OPRM1: variants seen among roughly 807,000 people sequenced by gnomAD.
OPRM1 encodes opioid receptor mu 1, also known as mu-type opioid receptor.
OPRM1 carries 27 observed loss-of-function variants against 31.8 expected under a neutral mutation model. That is an observed-to-expected ratio of 0.85 (90% CI 0.63 to 1.17). The LOEUF (loss-of-function observed/expected upper bound fraction) is 1.17, where lower values mean the gene tolerates loss of function less well. OPRM1 is among the 50% of genes most tolerant of loss of function. OPRM1 has a pLI of 0.00. For missense variants in OPRM1, 536 were observed against 511.1 expected, an observed-to-expected ratio of 1.05 and a Z score of -0.47; for synonymous variants, 196 against 189.9, an observed-to-expected ratio of 1.03 and a Z score of -0.26.
chr6:154,189,114 TC>T (rs1801635164), intron 3 of OPRM1, among the ~76,000 whole-genome samples: 1 of 152,074 alleles, frequency 6.6e-6, no homozygotes, highest in Non-Finnish European at 1.5e-5. Context: ...TTCCTACAAA[TC>T]CATTGGAAAA....
intron 3 of OPRM1, among the ~76,000 whole-genome samples, chr6:154,213,666 C>A (rs1331105123): frequency 6.6e-6 from 1 of 152,160 alleles, no homozygotes; most frequent in Non-Finnish European, 1.5e-5. Flanking sequence ...GCAGCTAAAT[C>A]CTCCCTCTTC....
intron 1 of OPRM1, among the ~76,000 whole-genome samples, chr6:154,062,186 T>A (rs535535032): frequency 6.6e-6 from 1 of 152,262 alleles, no homozygotes; most frequent in South Asian, 2.1e-4. Flanking sequence ...ATATAATTAA[T>A]CATATGAAAA....
intron 3 of OPRM1, chr6:154,156,761 C>A (rs1026677996): frequency 6.6e-6 from 1 of 152,210 alleles, no homozygotes; most frequent in African/African-American, 2.4e-5. Context: ...GCAAAAGACG[C>A]CCTTGCAATG....
chr6:154,096,875 G>C (rs1793486610), intron 3 of OPRM1, among the ~76,000 whole-genome samples: 1 of 152,174 alleles, frequency 6.6e-6, no homozygotes, highest in Non-Finnish European at 1.5e-5. Flanking sequence ...AAGTTCTTAA[G>C]AACTGCTCTA....
intron 1 of OPRM1, among the ~76,000 whole-genome samples, chr6:154,058,495 T>C (rs1026412288): frequency 6.6e-6 from 1 of 152,192 alleles, no homozygotes; most frequent in Non-Finnish European, 1.5e-5. Context: ...GCATCAATTA[T>C]CTTTAGCCCA....
At chr6:154,170,321 G>T (rs1799772297) in intron 3 of OPRM1, among the ~76,000 whole-genome samples, 1 of 152,128 alleles carries the variant, frequency 6.6e-6, no homozygotes, top group South Asian at 2.1e-4. Flanking sequence ...GGCATTAGAG[G>T]AACTAGAAAA....
intron 1 of OPRM1, among the ~76,000 whole-genome samples, chr6:154,018,594 A>G (rs1178646659): frequency 2.0e-5 from 3 of 151,738 alleles, no homozygotes; most frequent in African/African-American, 7.3e-5. Context: ...ATAAAAACAG[A>G]TTAAGTCTTC....
intron 3 of OPRM1, among the ~76,000 whole-genome samples, chr6:154,201,485 C>T (rs1288357632): frequency 6.6e-6 from 1 of 152,154 alleles, no homozygotes; most frequent in African/African-American, 2.4e-5. Context: ...ATCTAGACTC[C>T]AGTACTCTAC....
intron 1 of OPRM1, among the ~76,000 whole-genome samples, chr6:154,078,995 G>T (rs1036861261): frequency 6.6e-6 from 1 of 152,318 alleles, no homozygotes; most frequent in Middle Eastern, 3.4e-3. Flanking sequence ...CAGAGAGGAA[G>T]AGAGGAGAGA....
intron 3 of OPRM1, among the ~76,000 whole-genome samples, chr6:154,183,234 C>T (rs1317019695): frequency 2.6e-5 from 4 of 152,092 alleles, no homozygotes; most frequent in Admixed American, 6.5e-5. Flanking sequence ...CCATCTTGGC[C>T]TCCCAAAGTG....
At chr6:154,218,101 C>A (rs1778557621) in intron 3 of OPRM1, among the ~76,000 whole-genome samples, 1 of 152,120 alleles carries the variant, frequency 6.6e-6, no homozygotes, top group East Asian at 1.9e-4. Flanking sequence ...TTTAAAACAT[C>A]ATGGCAGCAG....
At chr6:154,068,660 T>G (rs1457038289) in intron 1 of OPRM1, among the ~76,000 whole-genome samples, 1 of 152,218 alleles carries the variant, frequency 6.6e-6, no homozygotes, top group Non-Finnish European at 1.5e-5. Flanking sequence ...AGTGCTGCAA[T>G]AAACATGGGA....
In OPRM1 at chr6:154,195,860, C is replaced by T. The variant is rs187929244; in HGVS notation, c.1165-50833C>T. Among the ~76,000 whole-genome samples the T allele has an allele frequency of 2.4e-3, 355 of 150,438 alleles. 1 individual carries two copies. The highest frequency in any genetic ancestry group is 4.2e-3 in the Non-Finnish European group (286 of 67,802). On this transcript the variant is annotated intron_variant, in intron 3 of 3. Transcript: ENST00000337049. ...AGGCTGGGGTGCAGTGGTGCAATCTCGGCTCACTGCAACCTCTGCCTCGCA... is the reference window on the plus strand; with the variant it reads ...AGGCTGGGGTGCAGTGGTGCAATCTTGGCTCACTGCAACCTCTGCCTCGCA...
chr6:154,100,216 G>GAC, intron 3 of OPRM1, among the ~76,000 whole-genome samples: 1 of 119,412 alleles, frequency 8.4e-6, no homozygotes, highest in Non-Finnish European at 1.6e-5. Flanking sequence ...ATCATATTAT[G>GAC]ACATATCGTA....
chr6:154,049,271 TCAC>T (rs935953201), intron 1 of OPRM1, among the ~76,000 whole-genome samples: 1 of 152,004 alleles, frequency 6.6e-6, no homozygotes. Context: ...AACAGTGAAG[TCAC>T]CACCACCACC....
At chr6:154,172,975 G>T (rs975336790) in intron 3 of OPRM1, among the ~76,000 whole-genome samples, 2 of 152,204 alleles carry the variant, frequency 1.3e-5, no homozygotes, top group Non-Finnish European at 2.9e-5. Flanking sequence ...GAAGGATCAG[G>T]CAGCAATACT....
At chr6:154,029,169 T>C (rs1778868420) in intron 1 of OPRM1, among the ~76,000 whole-genome samples, 1 of 152,196 alleles carries the variant, frequency 6.6e-6, no homozygotes. Flanking sequence ...TATTAAACAG[T>C]GCCGCCTTTA....
chr6:154,016,426 G>T (rs920995367), intron 1 of OPRM1, among the ~76,000 whole-genome samples: 14 of 152,028 alleles, frequency 9.2e-5, no homozygotes, highest in Non-Finnish European at 4.4e-5. Flanking sequence ...GGATAGAAGA[G>T]AATATACTGT....
chr6:154,150,636 G>A (rs1321225619), intron 3 of OPRM1, among the ~76,000 whole-genome samples: 5 of 152,314 alleles, frequency 3.3e-5, no homozygotes, highest in Middle Eastern at 3.4e-3. Flanking sequence ...AGGCTCAGAC[G>A]TTTCAAGTGA....
Sources: allele counts gnomAD v4.1 joint callset (sites outside exome capture counted in the v4.1 genomes callset), GRCh38; gene constraint gnomAD v4.1.1; transcripts MANE v1.5; gene names NCBI Gene and HGNC (gene_info 2026-07-23, HGNC 2026-07-21).